FER1L5: variants seen among roughly 807,000 people sequenced by gnomAD.
FER1L5 encodes fer-1-like protein 5.
FER1L5 carries 187 observed loss-of-function variants against 279.9 expected under a neutral mutation model. The observed-to-expected ratio is 0.67, with a 90% CI of 0.59 to 0.75. The LOEUF (loss-of-function observed/expected upper bound fraction) is 0.75, where lower values mean the gene tolerates loss of function less well. Among genes scored for constraint, FER1L5 ranks in the 30% least tolerant of loss-of-function variants. The pLI, the probability that FER1L5 is intolerant of heterozygous loss-of-function variation, is 0.00. For missense variants in FER1L5, 2,091 were observed against 2,594.4 expected, an observed-to-expected ratio of 0.81 and a Z score of 4.21; for synonymous variants, 921 against 989.7, an observed-to-expected ratio of 0.93 and a Z score of 1.30.
intron 14 of FER1L5, among the ~76,000 whole-genome samples, chr2:96,666,206 G>A (rs2076121024): frequency 6.7e-6 from 1 of 149,138 alleles, no homozygotes; most frequent in Non-Finnish European, 1.5e-5. Context: ...CCAATGGTCA[G>A]TCCGAGGGCC....
At chr2:96,653,819 G>A (rs1450593366) in intron 8 of FER1L5, 117 bp downstream of exon 8, 3 of 710,790 alleles carry the variant, frequency 4.2e-6, no homozygotes, top group Non-Finnish European at 4.8e-6. Flanking sequence ...TTGTCTTCCT[G>A]ATCCCCACCA....
chr2:96,643,232 G>A (rs1397230396), intron 1 of FER1L5, among the ~76,000 whole-genome samples: 2 of 152,094 alleles, frequency 1.3e-5, no homozygotes, highest in Admixed American at 6.5e-5. Flanking sequence ...AGATTGATGC[G>A]GGAGTTTAAA....
intron 19 of FER1L5, among the ~76,000 whole-genome samples, chr2:96,676,331 C>T (rs764489011): frequency 3.3e-5 from 5 of 152,122 alleles, no homozygotes; most frequent in Non-Finnish European, 7.3e-5. Flanking sequence ...GCCACCATGC[C>T]TAATTTTGTA....
At chr2:96,675,489 C>A (rs2106602897) in intron 19 of FER1L5, among the ~76,000 whole-genome samples, 1 of 152,224 alleles carries the variant, frequency 6.6e-6, no homozygotes, top group African/African-American at 2.4e-5. Context: ...TGCAATGGTA[C>A]AATCTCAGCT....
chr2:96,652,113 C>T (rs764161789), intron 7 of FER1L5, 93 bp downstream of exon 7: 59 of 1,510,510 alleles, frequency 3.9e-5, no homozygotes, highest in Non-Finnish European at 5.1e-5. Context: ...ACTAGGGTGT[C>T]TTCATGTGTT....
chr2:96,694,537 C>T lies in FER1L5; in HGVS notation c.3741+73C>T. The T allele has an allele frequency of 8.4e-7, 1 of 1,194,954 alleles. No individual in the cohort carries two copies. Among genetic ancestry groups the T allele is most frequent in the Non-Finnish European group, 1.1e-6 (1 of 878,242 alleles). 74.0% of individuals were successfully genotyped at this position (1,194,954 alleles called of 1,614,324 possible). A position where few individuals can be genotyped will look rare whatever the true frequency, so the allele number is the denominator to read the frequency against. On this transcript the variant is annotated intron_variant, in intron 34 of 52. Coordinates refer to ENST00000624922, the MANE Select transcript of FER1L5 (RefSeq NM_001293083.2). The surrounding 1 kb of genome is among the most constrained non-coding windows in gnomAD (Gnocchi z 4.6). ...GTCTGGAGTGCGCTGCAGCCTTCTGCTGGTCCTCCCTGACTACTGGATCCA... is the reference window on the plus strand; with the variant it reads ...GTCTGGAGTGCGCTGCAGCCTTCTGTTGGTCCTCCCTGACTACTGGATCCA...
intron 19 of FER1L5, among the ~76,000 whole-genome samples, chr2:96,677,435 G>A (rs1247146598): frequency 6.6e-6 from 1 of 152,140 alleles, no homozygotes; most frequent in African/African-American, 2.4e-5. Context: ...TGTTTTCCAG[G>A]TTTATCCATG....
At chr2:96,654,406 A>G (rs2075509797) in intron 8 of FER1L5, 40 bp from the exon 9 acceptor site, 4 of 398,868 alleles carry the variant, frequency 1.0e-5, no homozygotes, top group Non-Finnish European at 1.8e-5. Flanking sequence ...GGAAATTGGG[A>G]TTGTGAATAA....
Position 96,698,245 on chromosome 2 carries a change from C to T in FER1L5, c.4356+89C>T. 1 of 1,467,882 alleles carries T rather than the reference C, an allele frequency of 6.8e-7. No individual in the cohort carries two copies. Among genetic ancestry groups the T allele is most frequent in the East Asian group, 2.5e-5 (1 of 40,074 alleles). The allele number at this position is 1,467,882 out of a possible 1,614,324, so 90.9% of individuals were successfully genotyped here. On this transcript the variant is annotated intron_variant, in intron 40 of 52. Transcript: ENST00000624922. This position sits in a 1 kb window ranked among gnomAD's most constrained non-coding sequence, Gnocchi z 5.5. Reference sequence around the variant, plus strand: ...AATAAAAGCCCTGGCTCTATATGCTCATTGTGAAGATGGAGCAGGGCTTGA... The same window carrying T: ...AATAAAAGCCCTGGCTCTATATGCTTATTGTGAAGATGGAGCAGGGCTTGA...
rs369601375 is a variant in FER1L5 at position 96,704,661 on chromosome 2, T to C, written c.6143T>C (p.Ile2048Thr). The C allele has an allele frequency of 1.2e-6, 2 of 1,613,822 alleles. No individual in the cohort carries two copies. The highest frequency in any genetic ancestry group is 1.3e-5 in the African/African-American group (1 of 74,894). ...GGACCCACAAATCACCTGAGTGATA[T>C]TTTCCCAGAACTTCCAGCCCCAGGA... ...HPGPTNHLSD[I>T]FPELPAPGD Residue 2048 changes from isoleucine to threonine, a missense_variant, in exon 53 of 53, where the codon ATT becomes ACT. By Grantham distance (89) the Ile-to-Thr change is moderately conservative. Coordinates refer to ENST00000624922, the MANE Select transcript of FER1L5 (RefSeq NM_001293083.2).
At chr2:96,678,342 C>G (rs899017149) in intron 19 of FER1L5, among the ~76,000 whole-genome samples, 16 of 152,090 alleles carry the variant, frequency 1.1e-4, no homozygotes, top group Admixed American at 1.3e-4. Flanking sequence ...GTTGCCCAGC[C>G]TGGTCTCAAA....
rs2077647606 is a variant in FER1L5 at position 96,702,989 on chromosome 2, G to A, written c.5409G>A (p.Trp1803Ter). Reference sequence around the variant, plus strand: ...CGCCATTTCCCCAGGATTACATATGGAGCCTGGATGCCACGTCCATGAAGT... The same window carrying A: ...CGCCATTTCCCCAGGATTACATATGAAGCCTGGATGCCACGTCCATGAAGT... ...TCVQSQKDYI[W>*]SLDATSMKFP... The change falls in exon 49 of 53, where the codon TGG becomes TGA. Residue 1803 changes from tryptophan to a stop codon, truncating the protein, a stop_gained. Transcript: ENST00000624922. LOFTEE classifies it high-confidence loss of function. This position sits in a 1 kb window ranked among gnomAD's most constrained non-coding sequence, Gnocchi z 4.0. 6.2e-7 allele frequency: 1 copy of A among 1,612,150 alleles called. No homozygotes were observed. Among genetic ancestry groups the A allele is most frequent in the African/African-American group, 1.3e-5 (1 of 74,950 alleles).
At chr2:96,649,758 T>A in intron 5 of FER1L5, 81 bp downstream of exon 5, 1 of 1,405,478 alleles carries the variant, frequency 7.1e-7, no homozygotes, top group Non-Finnish European at 9.8e-7. Flanking sequence ...TTGGGGACCT[T>A]CAAAACCCAG....
rs1180840552 is a variant in FER1L5, at chr2:96,694,802, G to A, written c.3741+338G>A. The A allele has an allele frequency of 2.6e-5, 5 of 190,536 alleles. No individual in the cohort carries two copies. Among genetic ancestry groups the A allele is most frequent in the Non-Finnish European group, 5.3e-5 (5 of 93,920 alleles). The allele number at this position is 190,536 out of a possible 1,614,324, so 11.8% of individuals were successfully genotyped here. The stretch of plus-strand genomic sequence containing the variant: ...AACACATTCCACGCACAGTGATGCA[G>A]GGACTAACTGACAGGGCCATTTAGG... On this transcript the variant is annotated intron_variant, in intron 34 of 52. Transcript: ENST00000624922. This position sits in a 1 kb window ranked among gnomAD's most constrained non-coding sequence, Gnocchi z 4.6.
intron 7 of FER1L5, chr2:96,652,348 G>A (rs1442375919): frequency 6.5e-6 from 2 of 308,552 alleles, no homozygotes; most frequent in Non-Finnish European, 6.3e-6. Context: ...CATTGCTGCT[G>A]GAGCCCCAAA....
rs113162518 is a variant in FER1L5, at chr2:96,645,170, C to T, written c.86-1231C>T. On this transcript the variant is annotated intron_variant, in intron 1 of 52. Transcript: ENST00000624922. ...CGTTAGGGTACACTGGGCTTTGCTC[C>T]GGCAATAAATAAACCCTTAATTTTC... 2.5e-3 allele frequency among the ~76,000 whole-genome samples: 382 copies of T among 152,218 alleles called. 1 individual carries two copies. The highest frequency in any genetic ancestry group is 0.024 in the South Asian group (115 of 4,820).
At chr2:96,687,602 T>C in intron 23 of FER1L5, 1 of 636,962 alleles carries the variant, frequency 1.6e-6, no homozygotes. Flanking sequence ...ACTCCCACCC[T>C]CTCTGCTTCA....
At chr2:96,652,850 C>T (rs185564299) in intron 7 of FER1L5, 48 of 152,508 alleles carry the variant, frequency 3.1e-4, no homozygotes, top group Non-Finnish European at 5.6e-4. Context: ...GGGCTCAAAT[C>T]TCCATCCTGG....
rs1174893793 is a variant in FER1L5, at chr2:96,694,068, C to A, written c.3632C>A (p.Thr1211Asn). 2.6e-6 allele frequency: 4 copies of A among 1,540,836 alleles called. No homozygotes were observed. The African/African-American group carries it at 4.1e-5, about 16-fold the overall frequency. The stretch of plus-strand genomic sequence containing the variant: ...GCATCCTGTGAGCTGATCCTCCAGA[C>A]TGAGGTATTGGGAGAGAGGGCCTGG... Reference protein sequence around the residue: ...ILASCELILQTEKLGEKQLPI... With the variant: ...ILASCELILQNEKLGEKQLPI... Residue 1211 changes from threonine (T) to asparagine (N), a missense_variant, in exon 33 of 53, where the codon ACT (threonine) becomes AAT (asparagine). Transcript: ENST00000624922. The surrounding 1 kb of genome is among the most constrained non-coding windows in gnomAD (Gnocchi z 4.6).
Sources: gnomAD v4.1 joint callset for allele counts (sites outside exome capture counted in the v4.1 genomes callset) on GRCh38, gnomAD v4.1.1 for gene constraint, Gnocchi (gnomAD v3.1) non-coding constraint, MANE v1.5 for transcripts, NCBI Gene and HGNC (gene_info 2026-07-23, HGNC 2026-07-21) for gene names.